Variants in RSRP1 observed in about 807,000 individuals in gnomAD.
RSRP1 encodes the protein arginine and serine rich protein 1, also known as arginine/serine-rich protein 1.
RSRP1 carries 37 observed loss-of-function variants against 33.0 expected under a neutral mutation model. The observed-to-expected ratio is 1.12, with a 90% CI of 0.86 to 1.48. The LOEUF (loss-of-function observed/expected upper bound fraction) is 1.48. Ranked by LOEUF, RSRP1 falls within the 40% of genes most tolerant of loss-of-function variation. RSRP1 has a pLI of 0.00. For synonymous variants in RSRP1, 167 were observed against 158.7 expected, an observed-to-expected ratio of 1.05 and a Z score of -0.40; for missense variants, 402 against 385.3, an observed-to-expected ratio of 1.04 and a Z score of -0.36.
chr1:25,289,650 G>A lies in RSRP1; in HGVS notation c.-66-42621C>T, dbSNP rs900161432. Among the ~76,000 whole-genome samples, 7 of 124,160 alleles carry A rather than the reference G, an allele frequency of 5.6e-5. 2 individuals carry two copies. The highest frequency in any genetic ancestry group is 1.9e-4 in the African/African-American group (7 of 36,456). 81.5% of individuals were successfully genotyped at this position (124,160 alleles called of 152,430 possible). On this transcript the variant is annotated intron_variant, in intron 1 of 1. Coordinates refer to the RSRP1 transcript ENST00000561867. ...GGAGTCTCAGAGCAAGCTGCTCAGG[G>A]GAGACTGGATGTCCATGGATTGTCC... is the stretch of plus-strand genomic sequence containing the variant.
rs774889533 is a variant in RSRP1 at position 25,306,690 on chromosome 1, T to A, written c.-67+31288A>T. On this transcript the variant is annotated intron_variant, in intron 1 of 1. Coordinates refer to the RSRP1 transcript ENST00000561867. Reference sequence around the variant, plus strand: ...CTGCTTGGAGAGATCATCTACATTGTGCTGCTGGTGCTTGATACCGTCGGA... The same window carrying A: ...CTGCTTGGAGAGATCATCTACATTGAGCTGCTGGTGCTTGATACCGTCGGA... The A allele has an allele frequency of 6.5e-6, 9 of 1,378,552 alleles. 1 individual carries two copies. The South Asian group carries it at 1.1e-4, about 16-fold the overall frequency. 85.4% of individuals were successfully genotyped at this position (1,378,552 alleles called of 1,614,324 possible).
In RSRP1 at chr1:25,246,911, G is replaced by A; in HGVS notation, c.53C>T (p.Ser18Leu). The A allele has an allele frequency of 6.2e-7, 1 of 1,600,264 alleles. No individual in the cohort carries two copies. The highest frequency in any genetic ancestry group is 2.2e-5 in the East Asian group (1 of 44,562). ...CCCGCCCGACCGCGAGGTCGAGGGC[G>A]AATCCTTCTCCTGCGGCGAGCCCGG... ...MWPGSPQEKD[S>L]PSTSRSGGSS... The change falls in exon 2 of 5, where the codon TCG (serine) becomes TTG (leucine). Residue 18 changes from serine to leucine, a missense_variant. Physicochemically the swap from Ser to Leu is moderately radical, Grantham distance 145. Transcript: ENST00000243189.
At chr1:25,246,089 T>C (rs1639361505) in intron 2 of RSRP1, 1 of 210,658 alleles carries the variant, frequency 4.7e-6, no homozygotes, top group Admixed American at 5.3e-5. Context: ...TCCAATTTTA[T>C]TCAGTAATAA....
intron 2 of RSRP1, chr1:25,246,012 C>T (rs1639352705): frequency 6.2e-6 from 1 of 161,760 alleles, no homozygotes; most frequent in African/African-American, 2.4e-5. Flanking sequence ...TCCGCCTCCC[C>T]AAGTGCTGGG....
chr1:25,261,790 C>A (rs542129391), intron 1 of RSRP1, among the ~76,000 whole-genome samples: 3 of 146,120 alleles, frequency 2.1e-5, no homozygotes, highest in African/African-American at 7.7e-5. Context: ...TGGCTCACTG[C>A]AACCTCTGTC....
At chr1:25,303,273 T>C (rs1643530177) in intron 1 of RSRP1, 1 of 1,148,626 alleles carries the variant, frequency 8.7e-7, no homozygotes, top group African/African-American at 1.5e-5. Flanking sequence ...AGCAAGATGG[T>C]GTTCTCTCTC....
intron 1 of RSRP1, among the ~76,000 whole-genome samples, chr1:25,268,241 G>C (rs140736832): frequency 2.3e-5 from 3 of 132,478 alleles, no homozygotes; most frequent in Non-Finnish European, 3.6e-5. Context: ...ATACACGGCC[G>C]GGCGCAGTGG....
chr1:25,268,238 G>A lies in RSRP1; in HGVS notation c.-66-21209C>T, dbSNP rs1001221164. Reference sequence around the variant, plus strand: ...AAAGCAAATAATGAACAAATACACGGCCGGGCGCAGTGGCTCACGCCTGTA... The same window carrying A: ...AAAGCAAATAATGAACAAATACACGACCGGGCGCAGTGGCTCACGCCTGTA... On this transcript the variant is annotated intron_variant, in intron 1 of 1. Coordinates refer to the RSRP1 transcript ENST00000561867. Among the ~76,000 whole-genome samples the A allele has an allele frequency of 3.0e-5, 4 of 132,868 alleles. 1 individual carries two copies. Among genetic ancestry groups the A allele is most frequent in the African/African-American group, 1.0e-4 (4 of 38,926 alleles). The allele number at this position is 132,868 out of a possible 152,430, so 87.2% of individuals were successfully genotyped here.
In RSRP1 at chr1:25,298,778, C is replaced by G. The variant is rs1390432312; in HGVS notation, c.-67+39200G>C. Among the ~76,000 whole-genome samples the G allele has an allele frequency of 4.6e-5, 6 of 131,008 alleles. 1 individual carries two copies. Among genetic ancestry groups the G allele is most frequent in the African/African-American group, 7.9e-5 (3 of 37,960 alleles). The allele number at this position is 131,008 out of a possible 152,430, so 85.9% of individuals were successfully genotyped here. On this transcript the variant is annotated intron_variant, in intron 1 of 1. Coordinates refer to the RSRP1 transcript ENST00000561867. Reference sequence around the variant, plus strand: ...GGAACGTCTGTTCCAGAAGGAAAGACTGCCAATAAACAATAAAATAGGCAA... The same window carrying G: ...GGAACGTCTGTTCCAGAAGGAAAGAGTGCCAATAAACAATAAAATAGGCAA...
intron 1 of RSRP1, among the ~76,000 whole-genome samples, chr1:25,333,581 T>C (rs545953901): frequency 1.5e-5 from 2 of 129,974 alleles, no homozygotes; most frequent in Non-Finnish European, 3.6e-5. Flanking sequence ...GGAGGTGGCC[T>C]GGCCAGGAGC....
chr1:25,268,894 G>A (rs1437459190), intron 1 of RSRP1, among the ~76,000 whole-genome samples: 2 of 126,758 alleles, frequency 1.6e-5, no homozygotes, highest in African/African-American at 5.4e-5. Flanking sequence ...GTTGCAGTGA[G>A]CCGAGATTGT....
At chr1:25,250,529 A>G (rs1000182568), upstream of RSRP1, among the ~76,000 whole-genome samples, 22 of 152,174 alleles carry the variant, frequency 1.4e-4, no homozygotes, top group African/African-American at 5.3e-4. Flanking sequence ...CCTCCCAAAC[A>G]TGTCCATTCC....
Position 25,247,436 on chromosome 1 carries a change from C to T in RSRP1, c.-194G>A, listed in dbSNP as rs529846950. The T allele has an allele frequency of 1.9e-5, 3 of 158,506 alleles. No homozygotes were observed. The highest frequency in any genetic ancestry group is 1.9e-4 in the South Asian group (1 of 5,166). 9.8% of individuals were successfully genotyped at this position (158,506 alleles called of 1,614,324 possible). A position where few individuals can be genotyped will look rare whatever the true frequency, so the allele number is the denominator to read the frequency against. ...CGGCGAATTCCACAACCTCCACCTC[C>T]TACGTCCGGATGCGCACTGAGGGAC... On this transcript the variant is annotated 5_prime_UTR_variant, in exon 1 of 5. Coordinates refer to ENST00000243189, the MANE Select transcript of RSRP1 (RefSeq NM_020317.5).
In RSRP1 at chr1:25,307,030, C is replaced by G. The variant is rs1437518189; in HGVS notation, c.-67+30948G>C. On this transcript the variant is annotated intron_variant, in intron 1 of 1. Transcript: ENST00000561867. ...TCAAATAGGCCCAAGCCAATTGAGA[C>G]TGTGGTTCAGGTCGTGATGCAGAGC... 3.9e-5 allele frequency: 14 copies of G among 362,952 alleles called. 2 individuals carry two copies. The East Asian group carries it at 6.9e-4, about 18-fold the overall frequency. 22.5% of individuals were successfully genotyped at this position (362,952 alleles called of 1,614,324 possible). A position where few individuals can be genotyped will look rare whatever the true frequency, so the allele number is the denominator to read the frequency against.
chr1:25,282,073 C>T lies in RSRP1; in HGVS notation c.-66-35044G>A, dbSNP rs986616207. Among the ~76,000 whole-genome samples, 30 of 131,430 alleles carry T rather than the reference C, an allele frequency of 2.3e-4. 10 individuals are homozygous for T. Among genetic ancestry groups the T allele is most frequent in the Non-Finnish European group, 3.4e-4 (19 of 55,522 alleles). The allele number at this position is 131,430 out of a possible 152,430, so 86.2% of individuals were successfully genotyped here. A position where few individuals can be genotyped will look rare whatever the true frequency, so the allele number is the denominator to read the frequency against. ...TGATGAACAGTCACTATTTATTGAGCGTTCTCCATGTGCCAGTCACTGTAC... is the reference window on the plus strand; with the variant it reads ...TGATGAACAGTCACTATTTATTGAGTGTTCTCCATGTGCCAGTCACTGTAC... On this transcript the variant is annotated intron_variant, in intron 1 of 1. Coordinates refer to the RSRP1 transcript ENST00000561867.
At chr1:25,285,658 G>A (rs1270244140) in intron 1 of RSRP1, among the ~76,000 whole-genome samples, 1 of 135,268 alleles carries the variant, frequency 7.4e-6, no homozygotes, top group East Asian at 1.9e-4. Flanking sequence ...TAACCGCATG[G>A]GGTGCAGAAA....
Position 25,279,725 on chromosome 1 carries a change from G to A in RSRP1, c.-66-32696C>T, listed in dbSNP as rs1180565350. 4.6e-4 allele frequency among the ~76,000 whole-genome samples: 58 copies of A among 125,046 alleles called. 7 individuals carry two copies. The highest frequency in any genetic ancestry group is 1.6e-3 in the African/African-American group (57 of 35,658). 82.0% of individuals were successfully genotyped at this position (125,046 alleles called of 152,430 possible). A position where few individuals can be genotyped will look rare whatever the true frequency, so the allele number is the denominator to read the frequency against. On this transcript the variant is annotated intron_variant, in intron 1 of 1. Coordinates refer to the RSRP1 transcript ENST00000561867. ...AATGGTGAGTATTGCCTTATCTCTC[G>A]CTGCTGAACTACCAGGTTAGACTTC...
In RSRP1 at chr1:25,291,686, A is replaced by G. The variant is rs1212569617; in HGVS notation, c.-66-44657T>C. Among the ~76,000 whole-genome samples the G allele has an allele frequency of 3.0e-5, 4 of 132,520 alleles. 1 individual carries two copies. Among genetic ancestry groups the G allele is most frequent in the African/African-American group, 1.0e-4 (4 of 38,814 alleles). The allele number at this position is 132,520 out of a possible 152,430, so 86.9% of individuals were successfully genotyped here. A position where few individuals can be genotyped will look rare whatever the true frequency, so the allele number is the denominator to read the frequency against. On this transcript the variant is annotated intron_variant, in intron 1 of 1. Coordinates refer to the RSRP1 transcript ENST00000561867. ...AGCCTCACCAGCAGTGGGTCCAGCA[A>G]GTTTGTACAGCCAGCATCTTCTTTC...
At chr1:25,277,908 A>T (rs1641154007) in intron 1 of RSRP1, among the ~76,000 whole-genome samples, 1 of 133,090 alleles carries the variant, frequency 7.5e-6, no homozygotes, top group Non-Finnish European at 1.8e-5. Context: ...TCCCAACCTC[A>T]GGTGATGCAC....
Sources: gnomAD v4.1 joint callset for allele counts (sites outside exome capture counted in the v4.1 genomes callset) on GRCh38, gnomAD v4.1.1 for gene constraint, MANE v1.5 for transcripts, NCBI Gene and HGNC (gene_info 2026-07-23, HGNC 2026-07-21) for gene names.